The following CACNB4 variants were observed in gnomAD, a reference collection of about 807,000 sequenced individuals.
CACNB4 encodes the protein voltage-dependent L-type calcium channel subunit beta-4.
Under a neutral mutation model 71.2 loss-of-function variants are expected in CACNB4, and 32 were observed. That is an observed-to-expected ratio of 0.45 (90% CI 0.34 to 0.60). The LOEUF is 0.60. Ranked by LOEUF, CACNB4 falls within the 20% of genes least tolerant of loss-of-function variation. The pLI is 0.01. For missense variants in CACNB4, 464 were observed against 647.9 expected (o/e 0.72, Z 3.08); for synonymous variants, 231 against 236.9 (o/e 0.97, Z 0.23).
intron 2 of CACNB4, among the ~76,000 whole-genome samples, chr2:152,039,639 G>A (rs1684775036): frequency 6.6e-6 from 1 of 152,164 alleles, no homozygotes; most frequent in African/African-American, 2.4e-5. Flanking sequence ...ATGTCTTAAT[G>A]AAAACATCTG....
chr2:151,939,954 T>A (rs924209034), intron 2 of CACNB4, among the ~76,000 whole-genome samples: 2 of 152,204 alleles, frequency 1.3e-5, no homozygotes, highest in Non-Finnish European at 2.9e-5. Context: ...GGCTGAGAAG[T>A]ATATAAAATT....
chr2:152,029,407 T>C (rs893232470), intron 2 of CACNB4, among the ~76,000 whole-genome samples: 1 of 150,318 alleles, frequency 6.7e-6, no homozygotes, highest in Non-Finnish European at 1.5e-5. Flanking sequence ...GGCAGGAGAA[T>C]TGCTTGAACC....
chr2:152,060,572 G>C lies in CACNB4; in HGVS notation c.147+37758C>G, dbSNP rs534184703. ...TAGCTATTCCACAACTCATGTCAAG[G>C]GGTGAGGGAGCAGTGTACATTAGAT... On this transcript the variant is annotated intron_variant, in intron 2 of 13. Transcript: ENST00000539935. Among the ~76,000 whole-genome samples the C allele has an allele frequency of 2.0e-5, 3 of 152,290 alleles. No homozygotes were observed. In the East Asian group the frequency reaches 5.8e-4, roughly 29 times the overall value.
chr2:152,043,569 C>T (rs926016921), intron 2 of CACNB4, among the ~76,000 whole-genome samples: 2 of 152,196 alleles, frequency 1.3e-5, no homozygotes, highest in Non-Finnish European at 2.9e-5. Context: ...ATCCTCCTGC[C>T]TCAACCTCCC....
chr2:152,030,162 T>A (rs4664075), intron 2 of CACNB4, among the ~76,000 whole-genome samples: 27,875 of 152,114 alleles, frequency 0.18, 3,834 homozygotes, highest in East Asian at 0.74. Flanking sequence ...TTTAGTTGCT[T>A]CTAAAATAGT....
chr2:152,054,843 T>A (rs183569650), intron 2 of CACNB4, among the ~76,000 whole-genome samples: 309 of 152,326 alleles, frequency 2.0e-3, no homozygotes, highest in African/African-American at 7.2e-3. Flanking sequence ...CACTTTTTTT[T>A]ATGTGATTAT....
chr2:151,850,928 A>C (rs2099838923), intron 12 of CACNB4: 1 of 152,146 alleles, frequency 6.6e-6, no homozygotes, highest in Admixed American at 6.5e-5. Context: ...CTTTTGCTTC[A>C]ACAGTCCCTG....
In CACNB4 at chr2:152,098,715, G is replaced by A. The variant is rs1579295098; in HGVS notation, c.63+234C>T. Reference sequence around the variant, plus strand: ...TCCGCTGGGGGAGGCTGCGGGCTCCGGAGCGGGAGCGCAGAGACCCGAAGG... The same window carrying A: ...TCCGCTGGGGGAGGCTGCGGGCTCCAGAGCGGGAGCGCAGAGACCCGAAGG... On this transcript the variant is annotated intron_variant, in intron 1 of 13. Transcript: ENST00000539935. The surrounding 1 kb of genome is among the most constrained non-coding windows in gnomAD (Gnocchi z 5.3). The A allele has an allele frequency of 6.4e-7, 1 of 1,552,906 alleles. No individual in the cohort carries two copies. Among genetic ancestry groups the A allele is most frequent in the Non-Finnish European group, 8.7e-7 (1 of 1,147,740 alleles).
chr2:151,885,494 C>T (rs2461834), intron 2 of CACNB4, among the ~76,000 whole-genome samples: 151,203 of 152,338 alleles, frequency 0.99, 75,050 homozygotes, highest in Middle Eastern at 1. Flanking sequence ...TGGCACATAA[C>T]AGGCACACAA....
chr2:151,868,198 T>C (rs907720871), intron 9 of CACNB4: 1 of 152,238 alleles, frequency 6.6e-6, no homozygotes, highest in Non-Finnish European at 1.5e-5. Context: ...TTTTTTTACA[T>C]TTTAAAATTA....
At chr2:151,901,969 G>A (rs1372948543) in intron 2 of CACNB4, among the ~76,000 whole-genome samples, 1 of 151,618 alleles carries the variant, frequency 6.6e-6, no homozygotes, top group Non-Finnish European at 1.5e-5. Context: ...GACAGTCCTT[G>A]TGAGAATAAG....
intron 2 of CACNB4, among the ~76,000 whole-genome samples, chr2:152,068,757 A>AG (rs1686489018): frequency 6.6e-6 from 1 of 152,162 alleles, no homozygotes; most frequent in Non-Finnish European, 1.5e-5. Context: ...TTATTATATG[A>AG]GACCGAAGAA....
intron 2 of CACNB4, among the ~76,000 whole-genome samples, chr2:151,892,267 A>C (rs1207973885): frequency 1.3e-5 from 2 of 151,944 alleles, no homozygotes; most frequent in Non-Finnish European, 2.9e-5. Flanking sequence ...CTACTTTTAC[A>C]TTGTGGTCTG....
intron 2 of CACNB4, among the ~76,000 whole-genome samples, chr2:151,895,835 T>C (rs1396877787): frequency 7.8e-6 from 1 of 127,764 alleles, no homozygotes; most frequent in Non-Finnish European, 1.6e-5. Flanking sequence ...AGTACTTTTA[T>C]TAATTGTGTA....
rs59125156 is a variant in CACNB4, at chr2:152,037,239, T to G, written c.147+61091A>C. Reference sequence around the variant, plus strand: ...ATCCTGCTTATCTCCTTTGAACAAGTACTCAAAGGTGGATATTAACAATAA... The same window carrying G: ...ATCCTGCTTATCTCCTTTGAACAAGGACTCAAAGGTGGATATTAACAATAA... On this transcript the variant is annotated intron_variant, in intron 2 of 13. Transcript: ENST00000539935. Among the ~76,000 whole-genome samples, 1,053 of 152,340 alleles carry G rather than the reference T, an allele frequency of 6.9e-3. 14 individuals are homozygous for G. Among genetic ancestry groups the G allele is most frequent in the African/African-American group, 0.023 (977 of 41,582 alleles).
chr2:151,855,139 T>G, intron 11 of CACNB4, 85 bp downstream of exon 11: 1 of 842,056 alleles, frequency 1.2e-6, no homozygotes, highest in Non-Finnish European at 1.8e-6. Flanking sequence ...GACGTTCTCC[T>G]TTGTCCACTA....
intron 2 of CACNB4, among the ~76,000 whole-genome samples, chr2:151,953,870 T>TA (rs759798017): frequency 2.0e-5 from 3 of 152,368 alleles, no homozygotes; most frequent in South Asian, 4.1e-4. Context: ...AGTCCTTTGG[T>TA]AACACTCTGA....
At chr2:151,895,099 CACACACA>C (rs1559950826) in intron 2 of CACNB4, among the ~76,000 whole-genome samples, 9 of 19,158 alleles carry the variant, frequency 4.7e-4, no homozygotes, top group African/African-American at 1.4e-3. Context: ...AATAGCCCCA[CACACACA>C]CACACACACA....
chr2:151,855,111 CTTA>C (rs2099839947), intron 11 of CACNB4, 110 bp downstream of exon 11: 1 of 614,956 alleles, frequency 1.6e-6, no homozygotes. Flanking sequence ...TTTAAATGTG[CTTA>C]TTAATAATCA....
Sources: gnomAD v4.1 joint callset for allele counts (sites outside exome capture counted in the v4.1 genomes callset) on GRCh38, gnomAD v4.1.1 for gene constraint, Gnocchi (gnomAD v3.1) non-coding constraint, MANE v1.5 for transcripts, NCBI Gene and HGNC (gene_info 2026-07-23, HGNC 2026-07-21) for gene names.